Variants in DGKD observed in about 807,000 individuals in gnomAD.
DGKD encodes DAG kinase delta.
A neutral mutation model predicts 154.4 loss-of-function variants in DGKD; 68 were observed. That is an observed-to-expected ratio of 0.44 (90% CI 0.36 to 0.54). The LOEUF (loss-of-function observed/expected upper bound fraction) is 0.54. Among genes scored for constraint, DGKD ranks in the 20% least tolerant of loss-of-function variants. The pLI, the probability that DGKD is intolerant of heterozygous loss-of-function variation, is 0.00. For missense variants in DGKD, 1,343 were observed against 1,593.6 expected (o/e 0.84, Z 2.68); for synonymous variants, 693 against 638.0 (o/e 1.09, Z -1.30).
chr2:233,444,066 G>A (rs1462700768), intron 10 of DGKD, among the ~76,000 whole-genome samples: 1 of 152,118 alleles, frequency 6.6e-6, no homozygotes, highest in Non-Finnish European at 1.5e-5. Flanking sequence ...CAGGGCTTCT[G>A]CTGTCGTCTC....
Position 233,435,806 on chromosome 2 carries a change from C to T in DGKD, c.587-12C>T. The T allele has an allele frequency of 6.2e-7, 1 of 1,609,332 alleles. No homozygotes were observed. Among genetic ancestry groups the T allele is most frequent in the South Asian group, 1.1e-5 (1 of 90,480 alleles). On this transcript the variant is annotated splice_polypyrimidine_tract_variant and intron_variant, in intron 5 of 29. Coordinates refer to ENST00000264057, the MANE Select transcript of DGKD (RefSeq NM_152879.3). ...ACACAGCTTGTAGGCTCATGTGCCC[C>T]TTCTCTCACAGTGTGCAAATTTAAG...
chr2:233,359,442 G>GTA (rs1574970786), intron 1 of DGKD, among the ~76,000 whole-genome samples: 1 of 151,660 alleles, frequency 6.6e-6, no homozygotes, highest in Non-Finnish European at 1.5e-5. Context: ...AGTGGCTGAT[G>GTA]TATAGTAAAT....
chr2:233,411,218 C>T (rs575639423), intron 3 of DGKD, among the ~76,000 whole-genome samples: 10 of 152,238 alleles, frequency 6.6e-5, no homozygotes, highest in South Asian at 6.2e-4. Flanking sequence ...GAAGTGGAAT[C>T]GCTGGATCAT....
intron 3 of DGKD, among the ~76,000 whole-genome samples, chr2:233,409,571 A>T (rs1381176761): frequency 6.6e-6 from 1 of 152,100 alleles, no homozygotes; most frequent in Admixed American, 6.6e-5. Context: ...GTTAAAAAAA[A>T]ATCCCACGTT....
intron 24 of DGKD, among the ~76,000 whole-genome samples, chr2:233,461,863 C>T (rs762473276): frequency 1.3e-5 from 2 of 152,248 alleles, no homozygotes; most frequent in Non-Finnish European, 2.9e-5. Context: ...CTTGTGCTCT[C>T]ACCGTCTTCC....
chr2:233,354,849 G>A lies in DGKD; in HGVS notation c.156+175G>A, dbSNP rs1701466638. 6.9e-6 allele frequency among the ~76,000 whole-genome samples: 1 copy of A among 144,842 alleles called. No homozygotes were observed. Among genetic ancestry groups the A allele is most frequent in the Non-Finnish European group, 1.5e-5 (1 of 65,234 alleles). ...CGCCGCTGTAACGGGCCGGCGCCCC[G>A]GGCGGAGCGCGCGGCCCCCGACGGA... On this transcript the variant is annotated intron_variant, in intron 1 of 29. Transcript: ENST00000264057. The surrounding 1 kb of genome is among the most constrained non-coding windows in gnomAD (Gnocchi z 4.8).
intron 5 of DGKD, 116 bp downstream of exon 5, chr2:233,435,017 G>A: frequency 7.1e-7 from 1 of 1,407,012 alleles, no homozygotes; most frequent in Non-Finnish European, 9.5e-7. Flanking sequence ...CATGTGGTCA[G>A]TCAAGGGCAC....
chr2:233,424,121 G>C (rs1015171237), intron 3 of DGKD, among the ~76,000 whole-genome samples: 2 of 152,196 alleles, frequency 1.3e-5, no homozygotes, highest in Non-Finnish European at 2.9e-5. Context: ...CGCTCGTCAT[G>C]ACCGTTGGAC....
In DGKD at chr2:233,376,494, A is replaced by G. The variant is rs1702578927; in HGVS notation, c.157-11763A>G. Among the ~76,000 whole-genome samples, 4 of 152,338 alleles carry G rather than the reference A, an allele frequency of 2.6e-5. No individual in the cohort carries two copies. The South Asian group carries it at 6.2e-4, about 24-fold the overall frequency. On this transcript the variant is annotated intron_variant, in intron 1 of 29. Coordinates refer to ENST00000264057, the MANE Select transcript of DGKD (RefSeq NM_152879.3). Reference sequence around the variant, plus strand: ...GCTCCTGGCACATAGTAGGCACTCCATAAATACTGATTATTTCTTCTCCTT... The same window carrying G: ...GCTCCTGGCACATAGTAGGCACTCCGTAAATACTGATTATTTCTTCTCCTT...
chr2:233,447,161 C>T (rs1216916462), intron 12 of DGKD, among the ~76,000 whole-genome samples: 1 of 147,902 alleles, frequency 6.8e-6, no homozygotes, highest in East Asian at 2.0e-4. Context: ...GCCTGGAATG[C>T]TCTAGCCGGC....
chr2:233,411,767 A>G (rs746664985), intron 3 of DGKD, among the ~76,000 whole-genome samples: 3 of 152,140 alleles, frequency 2.0e-5, no homozygotes, highest in East Asian at 1.9e-4. Flanking sequence ...ATTTTCTTCT[A>G]TAAGTTTTGT....
At chr2:233,358,774 CTG>C (rs560607362) in intron 1 of DGKD, among the ~76,000 whole-genome samples, 79 of 152,304 alleles carry the variant, frequency 5.2e-4, no homozygotes, top group Non-Finnish European at 9.1e-4. Flanking sequence ...TACAGGCACA[CTG>C]TATTTTATTT....
chr2:233,444,585 C>G (rs1002837734), intron 10 of DGKD, among the ~76,000 whole-genome samples: 1 of 150,068 alleles, frequency 6.7e-6, no homozygotes, highest in Non-Finnish European at 1.5e-5. Flanking sequence ...TCCTTTAAGG[C>G]TCCAGGAAGC....
At chr2:233,407,957 T>G (rs2061726432) in intron 3 of DGKD, among the ~76,000 whole-genome samples, 1 of 152,156 alleles carries the variant, frequency 6.6e-6, no homozygotes, top group African/African-American at 2.4e-5. Context: ...TCATCATCAG[T>G]TTTCCTTTTT....
chr2:233,397,840 A>AG (rs1291894563), intron 3 of DGKD, among the ~76,000 whole-genome samples: 1 of 150,884 alleles, frequency 6.6e-6, no homozygotes, highest in Admixed American at 6.6e-5. Flanking sequence ...TCAGGTCAGA[A>AG]GGGGGTGGAG....
At position 233,452,751 on chromosome 2, in the gene DGKD, G is replaced by A. The variant is rs2063333636; in HGVS notation, c.2264+691G>A. ...TTGGAGTCCATTTTGGAGACAAGTG[G>A]TGTTTTGAAAACCTGTTTTTCTGCA... On this transcript the variant is annotated intron_variant, in intron 18 of 29. Coordinates refer to ENST00000264057, the MANE Select transcript of DGKD (RefSeq NM_152879.3). The surrounding 1 kb of genome is among the most constrained non-coding windows in gnomAD (Gnocchi z 4.0). 6.6e-6 allele frequency among the ~76,000 whole-genome samples: 1 copy of A among 152,188 alleles called. No individual in the cohort carries two copies.
At chr2:233,408,487 GC>G (rs947298183) in intron 3 of DGKD, among the ~76,000 whole-genome samples, 52 of 152,330 alleles carry the variant, frequency 3.4e-4, no homozygotes, top group African/African-American at 1.1e-3. Flanking sequence ...CTGTTGGGAA[GC>G]CCCACGTTCG....
At chr2:233,462,822 A>C (rs1345082721) in intron 26 of DGKD, 87 bp downstream of exon 26, 6 of 1,193,266 alleles carry the variant, frequency 5.0e-6, no homozygotes, top group Non-Finnish European at 7.4e-6. Flanking sequence ...AGGGCAGCAC[A>C]CTTTAGTCCA....
In DGKD at chr2:233,354,768, C is replaced by CCGGCT. The variant is rs1701461996; in HGVS notation, c.156+99_156+103dup. 2 of 709,364 alleles carry CCGGCT rather than the reference C, an allele frequency of 2.8e-6. No individual in the cohort carries two copies. The highest frequency in any genetic ancestry group is 3.4e-6 in the Non-Finnish European group (2 of 581,022). 43.9% of individuals were successfully genotyped at this position (709,364 alleles called of 1,614,324 possible). On this transcript the variant is annotated intron_variant, in intron 1 of 29. Coordinates refer to ENST00000264057, the MANE Select transcript of DGKD (RefSeq NM_152879.3). This position sits in a 1 kb window ranked among gnomAD's most constrained non-coding sequence, Gnocchi z 4.8. ...GCCCTGCCCGAGCGGCCGCCCAGGC[C>CCGGCT]CGGCTCGGCCCGGCCCGGGGTCCCG...
Sources: gnomAD v4.1 joint callset for allele counts (sites outside exome capture counted in the v4.1 genomes callset) on GRCh38, gnomAD v4.1.1 for gene constraint, Gnocchi (gnomAD v3.1) non-coding constraint, MANE v1.5 for transcripts, NCBI Gene and HGNC (gene_info 2026-07-23, HGNC 2026-07-21) for gene names.